Variants in CEP295 observed in about 807,000 individuals in gnomAD.
CEP295 encodes the protein centrosomal protein 295.
A neutral mutation model predicts 291.6 loss-of-function variants in CEP295; 190 were observed. The observed-to-expected ratio is 0.65, with a 90% CI of 0.58 to 0.73. CEP295 has a LOEUF of 0.73. CEP295 is among the 30% of genes least tolerant of loss of function. The pLI is 0.00. For synonymous variants in CEP295, 993 were observed against 1,038.8 expected (o/e 0.96, Z 0.85); for missense variants, 2,863 against 2,949.4 (o/e 0.97, Z 0.68).
chr11:93,729,336 T>TG, intron 25 of CEP295, 98 bp from the exon 26 acceptor site: 2 of 775,754 alleles, frequency 2.6e-6, no homozygotes, highest in Non-Finnish European at 4.4e-6. Flanking sequence ...GAGGCTGCAG[T>TG]GAGGTGTGAT....
chr11:93,727,471 C>T lies in CEP295; in HGVS notation c.6995C>T (p.Thr2332Ile), dbSNP rs1280347399. The T allele has an allele frequency of 1.3e-6, 2 of 1,551,974 alleles. No homozygotes were observed. Among genetic ancestry groups the T allele is most frequent in the African/African-American group, 1.4e-5 (1 of 73,162 alleles). Residue 2332 changes from threonine (T) to isoleucine (I), a missense_variant, in exon 24 of 30, where the codon ACT becomes ATT. Transcript: ENST00000325212. ...RLCVRTVEMG[T>I]SIQAPYSLTT... ...TGTGTAAGAACAGTGGAGATGGGAA[C>T]TTCAATTCAGGCACCATATTCCTTA...
At chr11:93,724,119 T>A in intron 21 of CEP295, 135 bp from the exon 22 acceptor site, 1 of 779,096 alleles carries the variant, frequency 1.3e-6, no homozygotes, top group Non-Finnish European at 2.0e-6. Flanking sequence ...AACTGAAGTT[T>A]TTGTTACACT....
intron 1 of CEP295, among the ~76,000 whole-genome samples, chr11:93,662,351 A>G (rs1169926823): frequency 6.6e-6 from 1 of 152,190 alleles, no homozygotes; most frequent in East Asian, 1.9e-4. Flanking sequence ...TATTCCCTTT[A>G]TACAGTTTAA....
At chr11:93,669,479 T>C (rs1470159858) in intron 4 of CEP295, among the ~76,000 whole-genome samples, 198 bp from the exon 5 acceptor site, 1 of 151,940 alleles carries the variant, frequency 6.6e-6, no homozygotes, top group African/African-American at 2.4e-5. Flanking sequence ...CATAGAGCTT[T>C]CTGTCTTTAG....
intron 18 of CEP295, among the ~76,000 whole-genome samples, chr11:93,719,931 A>G (rs955502141): frequency 1.3e-5 from 2 of 152,154 alleles, no homozygotes; most frequent in Admixed American, 6.5e-5. Context: ...AAGAAGGAAA[A>G]TAAGCTCAGA....
intron 5 of CEP295, among the ~76,000 whole-genome samples, chr11:93,670,044 G>A (rs1950359957): frequency 1.3e-5 from 2 of 151,960 alleles, no homozygotes; most frequent in Admixed American, 1.3e-4. Flanking sequence ...TATTTGTTCA[G>A]CCTTCCTCAA....
chr11:93,696,677 G>T lies in CEP295; in HGVS notation c.1770-5G>T. 1 of 1,516,098 alleles carries T rather than the reference G, an allele frequency of 6.6e-7. No homozygotes were observed. Among genetic ancestry groups the T allele is most frequent in the Non-Finnish European group, 8.8e-7 (1 of 1,133,206 alleles). The allele number at this position is 1,516,098 out of a possible 1,614,324, so 93.9% of individuals were successfully genotyped here. On this transcript the variant is annotated splice_polypyrimidine_tract_variant and splice_region_variant and intron_variant, in intron 14 of 29. Transcript: ENST00000325212. ...ACAATAATTGTTTGCTTTTGTTTTT[G>T]GTAGGTTACACAGGCAGTCTGTTGA... is the stretch of plus-strand genomic sequence containing the variant.
rs192605925 is a variant in CEP295 at position 93,703,693 on chromosome 11, A to G, written c.5596+774A>G. Among the ~76,000 whole-genome samples the G allele has an allele frequency of 5.0e-3, 747 of 150,084 alleles. 10 individuals are homozygous for G. Among genetic ancestry groups the G allele is most frequent in the African/African-American group, 0.017 (688 of 40,852 alleles). ...AAATCCTGGCTTTGTGGTCAATTAG[A>G]TATATTTATTCACTGTACTACTTTC... On this transcript the variant is annotated intron_variant, in intron 17 of 29. Transcript: ENST00000325212.
chr11:93,706,725 A>C lies in CEP295; in HGVS notation c.5597-20A>C, dbSNP rs1263254629. ...TTAATAGTTCCAGAAATTGAAGTGG[A>C]AATATTTTTTCCCCCCCAGGTAAAC... is the stretch of plus-strand genomic sequence containing the variant. On this transcript the variant is annotated intron_variant, in intron 17 of 29. Coordinates refer to ENST00000325212, the MANE Select transcript of CEP295 (RefSeq NM_033395.2). The C allele has an allele frequency of 2.0e-6, 3 of 1,499,466 alleles. No individual in the cohort carries two copies. In the South Asian group the frequency reaches 3.9e-5, roughly 20 times the overall value. The allele number at this position is 1,499,466 out of a possible 1,614,324, so 92.9% of individuals were successfully genotyped here.
At position 93,710,688 on chromosome 11, in the gene CEP295, T is replaced by C. The variant is rs117914372; in HGVS notation, c.5749+3791T>C. Among the ~76,000 whole-genome samples, 640 of 152,316 alleles carry C rather than the reference T, an allele frequency of 4.2e-3. 4 individuals are homozygous for C. Among genetic ancestry groups the C allele is most frequent in the Non-Finnish European group, 7.0e-3 (475 of 68,026 alleles). On this transcript the variant is annotated intron_variant, in intron 18 of 29. Transcript: ENST00000325212. Reference sequence around the variant, plus strand: ...TTCAGAATAGTTTGAGTGGGATTGGTATTAGTTTGCCTTTAAGTGTTCGGT... The same window carrying C: ...TTCAGAATAGTTTGAGTGGGATTGGCATTAGTTTGCCTTTAAGTGTTCGGT...
rs1296057963 is a variant in CEP295 at position 93,725,701 on chromosome 11, TAC to T, written c.6371_6372del (p.Thr2124SerfsTer16). On this transcript the variant is annotated frameshift_variant, in exon 23 of 30. Transcript: ENST00000325212. LOFTEE classifies it high-confidence loss of function. ...ACTGTGCTACTGGATTATCCAAAAGTACAGTTTATTTCACAGCACTGAGGAGG... is the reference window on the plus strand; with the variant it reads ...ACTGTGCTACTGGATTATCCAAAAGTAGTTTATTTCACAGCACTGAGGAGG... ...SHCATGLSKS[T>X]VYFTALRRTS... 4 of 1,551,430 alleles carry T rather than the reference TAC, an allele frequency of 2.6e-6. No individual in the cohort carries two copies. Among genetic ancestry groups the T allele is most frequent in the Non-Finnish European group, 3.5e-6 (4 of 1,146,942 alleles).
Position 93,723,098 on chromosome 11 carries a change from A to G in CEP295, c.6005A>G (p.Glu2002Gly). The G allele has an allele frequency of 6.4e-7, 1 of 1,551,488 alleles. No individual in the cohort carries two copies. Among genetic ancestry groups the G allele is most frequent in the Non-Finnish European group, 8.7e-7 (1 of 1,146,652 alleles). Reference sequence around the variant, plus strand: ...CAAGAATCTACCACCAGTAAAGAAGAGGAAACAAATATTATAAGTTCCATA... The same window carrying G: ...CAAGAATCTACCACCAGTAAAGAAGGGGAAACAAATATTATAAGTTCCATA... ...SKQESTTSKE[E>G]ETNIISSIVP... Residue 2002 changes from glutamate (E) to glycine (G), a missense_variant, in exon 21 of 30, where the codon GAG becomes GGG. Around this residue, in one of 3 missense-constraint regions of CEP295, gnomAD observed 2,295 missense variants for 2,335.7 expected, o/e 0.98. Coordinates refer to ENST00000325212, the MANE Select transcript of CEP295 (RefSeq NM_033395.2).
At chr11:93,716,454 C>T (rs751391255) in intron 18 of CEP295, among the ~76,000 whole-genome samples, 36 of 152,220 alleles carry the variant, frequency 2.4e-4, no homozygotes, top group Non-Finnish European at 4.8e-4. Flanking sequence ...TGTGATTGCT[C>T]ACCGGATTTT....
chr11:93,695,882 G>A (rs764531602), intron 13 of CEP295, among the ~76,000 whole-genome samples: 6 of 152,026 alleles, frequency 3.9e-5, no homozygotes, highest in East Asian at 1.9e-4. Flanking sequence ...ATGGTGGCAC[G>A]TGCCTGTAAT....
In CEP295 at chr11:93,687,860, A is replaced by T; in HGVS notation, c.1331A>T (p.Glu444Val). ...SKERTLSSGQ[E>V]QVVESDTLTI... ...GAGAGAACGTTATCCTCTGGGCAGG[A>T]ACAAGGTATTTCTCTCCAAGAGTCT... is the stretch of plus-strand genomic sequence containing the variant. Residue 444 changes from glutamate to valine, a missense_variant, in exon 10 of 30, where the codon GAA becomes GTA. Transcript: ENST00000325212. 6.5e-7 allele frequency: 1 copy of T among 1,547,068 alleles called. No individual in the cohort carries two copies. Among genetic ancestry groups the T allele is most frequent in the Non-Finnish European group, 8.7e-7 (1 of 1,144,504 alleles).
At chr11:93,711,295 T>G (rs1225300889) in intron 18 of CEP295, among the ~76,000 whole-genome samples, 1 of 152,186 alleles carries the variant, frequency 6.6e-6, no homozygotes, top group Non-Finnish European at 1.5e-5. Flanking sequence ...AGTTTGGGTA[T>G]GTTGTGTCTC....
intron 9 of CEP295, among the ~76,000 whole-genome samples, chr11:93,684,694 G>A (rs757995920): frequency 3.9e-5 from 6 of 152,160 alleles, no homozygotes; most frequent in African/African-American, 2.4e-5. Flanking sequence ...TTTTGCAAGC[G>A]GTTGCAGTTC....
At chr11:93,719,811 C>G (rs907158865) in intron 18 of CEP295, 3 of 151,950 alleles carry the variant, frequency 2.0e-5, no homozygotes, top group African/African-American at 7.3e-5. Flanking sequence ...GATTATGAAG[C>G]AGAATTTTGT....
rs115966523 is a variant in CEP295, at chr11:93,724,239, A to T, written c.6197-15A>T. ...TTTCCCTCAAAAATTCTAACAGTTGACCTTGACTTTCCAGAATTGGAACAC... is the reference window on the plus strand; with the variant it reads ...TTTCCCTCAAAAATTCTAACAGTTGTCCTTGACTTTCCAGAATTGGAACAC... On this transcript the variant is annotated splice_polypyrimidine_tract_variant and intron_variant, in intron 21 of 29. Coordinates refer to ENST00000325212, the MANE Select transcript of CEP295 (RefSeq NM_033395.2). 1,426 of 1,543,428 alleles carry T rather than the reference A, an allele frequency of 9.2e-4. 12 individuals carry two copies. In the African/African-American group the frequency reaches 0.017, roughly 18 times the overall value.
Sources: gnomAD v4.1 joint callset for allele counts (sites outside exome capture counted in the v4.1 genomes callset) on GRCh38, gnomAD v4.1.1 for gene constraint, gnomAD v4.1.1 regional missense constraint, MANE v1.5 for transcripts, NCBI Gene and HGNC (gene_info 2026-07-23, HGNC 2026-07-21) for gene names.